SLC25A29: variants seen among roughly 807,000 people sequenced by gnomAD.
The protein encoded by SLC25A29 is mitochondrial basic amino acids transporter.
A neutral mutation model predicts 10.0 loss-of-function variants in SLC25A29; 13 were observed. The ratio of observed to expected loss-of-function variants is 1.30; its 90% CI spans 0.85 to 2.07. SLC25A29 has a LOEUF of 2.07. Ranked by LOEUF, SLC25A29 falls within the 30% of genes most tolerant of loss-of-function variation. The probability of loss-of-function intolerance (pLI) is 0.00; values close to 1 mark genes in which losing one functional copy is unlikely to be tolerated. For missense variants in SLC25A29, 475 were observed against 447.6 expected, an observed-to-expected ratio of 1.06 and a Z score of -0.55; for synonymous variants, 244 against 221.1, an observed-to-expected ratio of 1.10 and a Z score of -0.92.
chr14:100,306,266 C>G lies in SLC25A29; in HGVS notation c.-34G>C. Reference sequence around the variant, plus strand: ...CCCCGGCGAGGCCGCCTTTCCTCCTCGTCCTCCCCCTGAGGCCCCTCGCCG... The same window carrying G: ...CCCCGGCGAGGCCGCCTTTCCTCCTGGTCCTCCCCCTGAGGCCCCTCGCCG... On this transcript the variant is annotated 5_prime_UTR_variant, in exon 1 of 4. Coordinates refer to ENST00000359232, the MANE Select transcript of SLC25A29 (RefSeq NM_001039355.3). 6.9e-7 allele frequency: 1 copy of G among 1,446,950 alleles called. No individual in the cohort carries two copies. Among genetic ancestry groups the G allele is most frequent in the Non-Finnish European group, 9.1e-7 (1 of 1,103,550 alleles). The allele number at this position is 1,446,950 out of a possible 1,614,324, so 89.6% of individuals were successfully genotyped here. A position where few individuals can be genotyped will look rare whatever the true frequency, so the allele number is the denominator to read the frequency against.
chr14:100,295,887 C>G, intron 2 of SLC25A29: 1 of 1,289,768 alleles, frequency 7.8e-7, no homozygotes, highest in Non-Finnish European at 1.0e-6. Flanking sequence ...GGACAGAAAA[C>G]TCCCTTCGTG....
At chr14:100,299,077 G>T in intron 1 of SLC25A29, 192 bp from the exon 2 acceptor site, 1 of 1,429,508 alleles carries the variant, frequency 7.0e-7, no homozygotes, top group Non-Finnish European at 9.1e-7. Flanking sequence ...GGGAGGGTAT[G>T]CATGTGACAT....
chr14:100,284,975 G>A, the SLC25A29 span, among the ~76,000 whole-genome samples: 1 of 147,634 alleles, frequency 6.8e-6, no homozygotes, highest in African/African-American at 2.5e-5. Context: ...GGAGGTGGAG[G>A]TTGCTGTGAG....
chr14:100,292,364 G>A lies in SLC25A29; in HGVS notation c.831C>T (p.Arg277=), dbSNP rs1243024198. ...CGCCCTCGGGCCCGGCCTCCTCGCC[G>A]CGCGCGTAGGTGAGCACCACCGTGA... ...ATVTVVLTYA[R]GEEAGPEGEA... Residue 277 remains arginine (R), a synonymous_variant, in exon 4 of 4, where the codon CGC becomes CGT. Transcript: ENST00000359232. The A allele has an allele frequency of 7.9e-6, 12 of 1,512,872 alleles. 1 individual carries two copies. The Middle Eastern group carries it at 5.2e-4, about 65-fold the overall frequency. 93.7% of individuals were successfully genotyped at this position (1,512,872 alleles called of 1,614,324 possible).
intron 1 of SLC25A29, among the ~76,000 whole-genome samples, chr14:100,303,619 G>A (rs1012425560): frequency 1.3e-5 from 2 of 152,198 alleles, no homozygotes; most frequent in African/African-American, 2.4e-5. Context: ...TGGGCTGTGG[G>A]GCCGGCCTCC....
At chr14:100,278,797 A>G in the SLC25A29 span, 2 of 152,238 alleles carry the variant, frequency 1.3e-5, no homozygotes, top group Non-Finnish European at 2.9e-5. Context: ...GCGCAGGCTG[A>G]GCGCCTGCGC....
Position 100,291,920 on chromosome 14 carries a change from C to T in SLC25A29, c.*363G>A. On this transcript the variant is annotated 3_prime_UTR_variant, in exon 4 of 4. Coordinates refer to ENST00000359232, the MANE Select transcript of SLC25A29 (RefSeq NM_001039355.3). ...CCATCAGAGACCCCCGGGAGCCAGC[C>T]TGCAGGGCAGGAGCACAATGACGTG... 6.5e-6 allele frequency: 2 copies of T among 308,914 alleles called. No individual in the cohort carries two copies. The highest frequency in any genetic ancestry group is 2.3e-5 in the African/African-American group (1 of 43,562). The allele number at this position is 308,914 out of a possible 1,614,324, so 19.1% of individuals were successfully genotyped here.
At chr14:100,303,543 T>G (rs898762714) in intron 1 of SLC25A29, among the ~76,000 whole-genome samples, 1 of 152,196 alleles carries the variant, frequency 6.6e-6, no homozygotes, top group Non-Finnish European at 1.5e-5. Flanking sequence ...TTCTGACTTG[T>G]TTCAGCACCC....
At position 100,295,414 on chromosome 14, in the gene SLC25A29, T is replaced by G. The variant is rs935214032; in HGVS notation, c.79-2037A>C. 7.9e-6 allele frequency: 3 copies of G among 381,138 alleles called. No homozygotes were observed. In the East Asian group the frequency reaches 2.3e-4, roughly 29 times the overall value. 23.6% of individuals were successfully genotyped at this position (381,138 alleles called of 1,614,324 possible). ...AGTTTAGGAAGCTCCCAGCTCCCCA[T>G]AGGGCCGAGAGACCCCCACATGAGG... On this transcript the variant is annotated intron_variant, in intron 2 of 3. Coordinates refer to ENST00000359232, the MANE Select transcript of SLC25A29 (RefSeq NM_001039355.3).
rs1370294897 is a variant in SLC25A29 at position 100,292,529 on chromosome 14, C to A, written c.666G>T (p.Leu222=). ...VVKSRLQADG[L]RGAPRYRGIL... is the part of the protein sequence containing the mutation. ...TGCCGCGGTAGCGCGGGGCGCCCCG[C>A]AGTCCGTCCGCCTGCAGCCGCGACT... The change falls in exon 4 of 4, where the codon CTG becomes CTT. Residue 222 remains leucine (L), a synonymous_variant. Transcript: ENST00000359232. 2 of 1,593,232 alleles carry A rather than the reference C, an allele frequency of 1.3e-6. No homozygotes were observed. The highest frequency in any genetic ancestry group is 1.7e-6 in the Non-Finnish European group (2 of 1,171,502).
chr14:100,287,632 C>T (rs995924503), downstream of SLC25A29, among the ~76,000 whole-genome samples: 2 of 99,412 alleles, frequency 2.0e-5, no homozygotes, highest in Admixed American at 1.0e-4. Context: ...AGCACCACCC[C>T]CCCCCTCCGA....
chr14:100,290,743 G>A (rs897626200), downstream of SLC25A29, among the ~76,000 whole-genome samples: 3 of 152,172 alleles, frequency 2.0e-5, no homozygotes, highest in Non-Finnish European at 4.4e-5. Flanking sequence ...AGTTGCCCGG[G>A]TGGCTGAAAT....
chr14:100,280,782 G>T, the SLC25A29 span: 1 of 152,130 alleles, frequency 6.6e-6, no homozygotes, highest in Admixed American at 6.5e-5. Flanking sequence ...GCCCGCCTGA[G>T]CAGTGTTTTG....
intron 1 of SLC25A29, chr14:100,305,194 TCCGACGCCA>T (rs72052244): frequency 0.35 from 52,597 of 151,058 alleles, 9,319 homozygotes; most frequent in East Asian, 0.52. Flanking sequence ...AGAAGCAGGC[TCCGACGCCA>T]CAGATTTAAT....
At chr14:100,294,947 ATG>A (rs978825626) in intron 2 of SLC25A29, 3 of 152,114 alleles carry the variant, frequency 2.0e-5, no homozygotes, top group African/African-American at 7.2e-5. Flanking sequence ...TCTCCCTTCA[ATG>A]TTCTGGGGCC....
intron 1 of SLC25A29, among the ~76,000 whole-genome samples, chr14:100,301,206 T>G (rs1272372136): frequency 6.7e-6 from 1 of 150,338 alleles, no homozygotes; most frequent in Non-Finnish European, 1.5e-5. Flanking sequence ...GCCTATTCCC[T>G]TTCTTTTTTT....
At chr14:100,287,782 C>T (rs893532849), downstream of SLC25A29, among the ~76,000 whole-genome samples, 1 of 152,172 alleles carries the variant, frequency 6.6e-6, no homozygotes, top group African/African-American at 2.4e-5. Context: ...CTGGGTAAAA[C>T]CTGCTCACAG....
Position 100,293,024 on chromosome 14 carries a change from G to A in SLC25A29, c.171C>T (p.Gly57=), listed in dbSNP as rs1435051538. 3.2e-6 allele frequency: 5 copies of A among 1,546,480 alleles called. No individual in the cohort carries two copies. The South Asian group carries it at 3.7e-5, about 11-fold the overall frequency. Residue 57 remains glycine, a synonymous_variant, in exon 4 of 4, where the codon GGC becomes GGT. Transcript: ENST00000359232. The part of the protein sequence containing the change: ...KSIIKQESVL[G]LYKGLGSPLM... ...GCGGCGAGCCCAGGCCCTTGTACAG[G>A]CCCAGCACCTGCGGGGACAGAGACG...
the SLC25A29 span, chr14:100,282,453 T>C: frequency 6.6e-6 from 1 of 152,166 alleles, no homozygotes; most frequent in South Asian, 2.1e-4. Flanking sequence ...TTTTTCTACA[T>C]TGTCCATACC....
Sources: allele counts gnomAD v4.1 joint callset (sites outside exome capture counted in the v4.1 genomes callset), GRCh38; gene constraint gnomAD v4.1.1; transcripts MANE v1.5; gene names NCBI Gene and HGNC (gene_info 2026-07-23, HGNC 2026-07-21).